MYRIP: variants seen among roughly 807,000 people sequenced by gnomAD.
MYRIP encodes myosin VIIA and Rab interacting protein, also known as rab effector MyRIP.
Under a neutral mutation model 98.0 loss-of-function variants are expected in MYRIP, and 49 were observed. The observed-to-expected ratio is 0.50, with a 90% CI of 0.40 to 0.63. The LOEUF is 0.63. Ranked by LOEUF, MYRIP falls within the 30% of genes least tolerant of loss-of-function variation. MYRIP has a pLI of 0.00. For missense variants in MYRIP, 1,004 were observed against 1,058.2 expected, an observed-to-expected ratio of 0.95 and a Z score of 0.71; for synonymous variants, 404 against 409.5, an observed-to-expected ratio of 0.99 and a Z score of 0.16.
intron 1 of MYRIP, among the ~76,000 whole-genome samples, chr3:39,826,540 A>C (rs1198859234): frequency 2.0e-5 from 3 of 152,118 alleles, no homozygotes; most frequent in Non-Finnish European, 4.4e-5. Context: ...ATGTTTTAAA[A>C]AATTTTTTGA....
At chr3:40,159,190 G>T (rs971608647) in intron 4 of MYRIP, among the ~76,000 whole-genome samples, 1 of 151,674 alleles carries the variant, frequency 6.6e-6, no homozygotes. Flanking sequence ...GGCAGGCCTG[G>T]TGGTGACAAA....
intron 3 of MYRIP, among the ~76,000 whole-genome samples, chr3:40,093,581 C>T (rs533146183): frequency 5.9e-5 from 9 of 152,218 alleles, no homozygotes; most frequent in African/African-American, 2.2e-4. Context: ...GTATGTTTAC[C>T]CCGTGAGGGG....
chr3:40,119,823 G>A (rs1157529013), intron 3 of MYRIP, among the ~76,000 whole-genome samples: 1 of 151,842 alleles, frequency 6.6e-6, no homozygotes, highest in African/African-American at 2.4e-5. Flanking sequence ...GCTAAATGAC[G>A]AGTTAATGGG....
chr3:40,006,957 C>T (rs9311229), intron 2 of MYRIP, among the ~76,000 whole-genome samples: 15,369 of 152,086 alleles, frequency 0.1, 1,352 homozygotes, highest in African/African-American at 0.23. Flanking sequence ...CTGCTGGGCT[C>T]GGGCAATCCT....
At chr3:39,991,121 A>C (rs887922900) in intron 2 of MYRIP, among the ~76,000 whole-genome samples, 1 of 152,228 alleles carries the variant, frequency 6.6e-6, no homozygotes, top group Non-Finnish European at 1.5e-5. Context: ...CACATTCTGT[A>C]TGTGTAACCC....
In MYRIP at chr3:40,258,494, T is replaced by C; in HGVS notation, c.*328T>C. 1 of 295,610 alleles carries C rather than the reference T, an allele frequency of 3.4e-6. No individual in the cohort carries two copies. Among genetic ancestry groups the C allele is most frequent in the Non-Finnish European group, 6.4e-6 (1 of 156,886 alleles). The allele number at this position is 295,610 out of a possible 1,614,324, so 18.3% of individuals were successfully genotyped here. The stretch of plus-strand genomic sequence containing the variant: ...CTACTGTATGTTGACTTTAAGATCT[T>C]TTTTTAAATACATTTGATTCAGCTA... On this transcript the variant is annotated 3_prime_UTR_variant, in exon 17 of 17. Coordinates refer to ENST00000302541, the MANE Select transcript of MYRIP (RefSeq NM_015460.4).
chr3:39,942,444 T>C (rs1944809713), intron 2 of MYRIP, among the ~76,000 whole-genome samples: 1 of 152,144 alleles, frequency 6.6e-6, no homozygotes, highest in Admixed American at 6.5e-5. Flanking sequence ...GAAATAGGAA[T>C]TAGCAAATTC....
At chr3:40,155,866 G>C (rs1950223466) in intron 4 of MYRIP, among the ~76,000 whole-genome samples, 1 of 151,190 alleles carries the variant, frequency 6.6e-6, no homozygotes, top group South Asian at 2.1e-4. Context: ...AAATTTGTTT[G>C]AGTTCATTGT....
chr3:40,052,316 A>T (rs114976558), intron 3 of MYRIP, among the ~76,000 whole-genome samples: 1,771 of 152,178 alleles, frequency 0.012, 36 homozygotes, highest in African/African-American at 0.04. Flanking sequence ...GGATTATTTC[A>T]CTTAATATAA....
chr3:40,175,944 G>A (rs2125606661), intron 8 of MYRIP, among the ~76,000 whole-genome samples: 1 of 152,398 alleles, frequency 6.6e-6, no homozygotes. Flanking sequence ...GGGATGTGCA[G>A]CTGCTGCTGA....
Position 40,170,008 on chromosome 3 carries a change from C to T in MYRIP, c.788C>T (p.Pro263Leu), listed in dbSNP as rs753914631. ...EQQVEEEPGW[P>L]HPQSCSTKVA... ...CAAGTGGAAGAAGAGCCAGGATGGC[C>T]ACATCCCCAGAGTTGCAGCACAAAG... is the stretch of plus-strand genomic sequence containing the variant. The change falls in exon 8 of 17, where the codon CCA becomes CTA. Residue 263 changes from proline (P) to leucine (L), a missense_variant. By Grantham distance (98) the Pro-to-Leu change is moderately conservative (BLOSUM62 -3). Transcript: ENST00000302541. The T allele has an allele frequency of 6.2e-7, 1 of 1,614,186 alleles. No individual in the cohort carries two copies. The highest frequency in any genetic ancestry group is 2.2e-5 in the East Asian group (1 of 44,874).
chr3:40,230,816 T>C (rs932609424), intron 11 of MYRIP, among the ~76,000 whole-genome samples: 6 of 151,500 alleles, frequency 4.0e-5, no homozygotes, highest in Non-Finnish European at 8.8e-5. Flanking sequence ...GTTCAGTCAC[T>C]TCTTCTTTTT....
At chr3:39,862,570 G>A (rs898962525) in intron 1 of MYRIP, among the ~76,000 whole-genome samples, 1 of 152,156 alleles carries the variant, frequency 6.6e-6, no homozygotes, top group Non-Finnish European at 1.5e-5. Context: ...TAATGATAAA[G>A]GGCTCCATTC....
chr3:40,053,745 G>C (rs1302808282), intron 3 of MYRIP, among the ~76,000 whole-genome samples: 1 of 152,102 alleles, frequency 6.6e-6, no homozygotes, highest in African/African-American at 2.4e-5. Context: ...TGCTCAACAG[G>C]CTTCCTTACT....
chr3:40,192,328 C>CATATATATAT (rs372192317), intron 10 of MYRIP, among the ~76,000 whole-genome samples: 18 of 37,830 alleles, frequency 4.8e-4, no homozygotes, highest in Non-Finnish European at 6.8e-4. Context: ...ATATATATGT[C>CATATATATAT]ATATATATAT....
chr3:39,896,958 A>G (rs1030019976), intron 1 of MYRIP, among the ~76,000 whole-genome samples: 1 of 152,152 alleles, frequency 6.6e-6, no homozygotes. Flanking sequence ...TAACATAGAC[A>G]ATTCTGCCTT....
Position 40,244,427 on chromosome 3 carries a change from T to TG in MYRIP, c.2101-18dup. ...CCAAGTCTGCAGACATGAACTCAAA[T>TG]GTAGCACTGTCTCTACAGGTATACC... On this transcript the variant is annotated intron_variant, in intron 12 of 16. Transcript: ENST00000302541. 1 of 1,597,290 alleles carries TG rather than the reference T, an allele frequency of 6.3e-7. No homozygotes were observed. The highest frequency in any genetic ancestry group is 1.7e-5 in the Admixed American group (1 of 58,558).
chr3:40,235,212 C>T (rs111245031), intron 12 of MYRIP, among the ~76,000 whole-genome samples: 2 of 152,190 alleles, frequency 1.3e-5, no homozygotes, highest in African/African-American at 2.4e-5. Context: ...CCATGGTTCC[C>T]GCTCCCCAAT....
chr3:40,103,112 A>G (rs1018252939), intron 3 of MYRIP, among the ~76,000 whole-genome samples: 2 of 151,876 alleles, frequency 1.3e-5, no homozygotes, highest in Non-Finnish European at 2.9e-5. Context: ...TTCTCCATCA[A>G]CCCCTGAACA....
Sources: gnomAD v4.1 joint callset for allele counts (sites outside exome capture counted in the v4.1 genomes callset) on GRCh38, gnomAD v4.1.1 for gene constraint, MANE v1.5 for transcripts, NCBI Gene and HGNC (gene_info 2026-07-23, HGNC 2026-07-21) for gene names.